Variants in ZBTB20 observed in about 807,000 individuals in gnomAD.
ZBTB20 encodes the protein zinc finger and BTB domain containing 20, also known as zinc finger and BTB domain-containing protein 20.
A neutral mutation model predicts 56.9 loss-of-function variants in ZBTB20; 9 were observed. The ratio of observed to expected loss-of-function variants is 0.16; its 90% CI spans 0.10 to 0.28. The LOEUF is 0.28. ZBTB20 is among the 10% of genes least tolerant of loss of function. ZBTB20 has a pLI of 1.00. For missense variants in ZBTB20, 655 were observed against 1,003.0 expected, an observed-to-expected ratio of 0.65 and a Z score of 4.69; for synonymous variants, 417 against 420.7, an observed-to-expected ratio of 0.99 and a Z score of 0.11.
At chr3:114,533,571 A>G (rs1036933773) in intron 6 of ZBTB20, among the ~76,000 whole-genome samples, 2 of 152,174 alleles carry the variant, frequency 1.3e-5, no homozygotes, top group Admixed American at 1.3e-4. Context: ...TCTTCAGGAT[A>G]TTATCCAGGA....
At chr3:114,399,622 C>T (rs1344466449) in intron 7 of ZBTB20, among the ~76,000 whole-genome samples, 1 of 152,070 alleles carries the variant, frequency 6.6e-6, no homozygotes, top group Non-Finnish European at 1.5e-5. Context: ...TCTTTCTGGG[C>T]AATTTACACA....
intron 1 of ZBTB20, among the ~76,000 whole-genome samples, chr3:115,103,809 C>T (rs907323150): frequency 9.9e-5 from 15 of 152,116 alleles, no homozygotes; most frequent in African/African-American, 3.4e-4. Flanking sequence ...TTAGATACAA[C>T]ACCAAAGACA....
At chr3:114,460,937 C>G (rs2092300838) in intron 7 of ZBTB20, among the ~76,000 whole-genome samples, 2 of 152,164 alleles carry the variant, frequency 1.3e-5, no homozygotes, top group Admixed American at 1.3e-4. Context: ...GTCTTTTCTC[C>G]TGACACTAAG....
chr3:114,468,070 T>A (rs1414829270), intron 7 of ZBTB20, among the ~76,000 whole-genome samples: 3 of 152,232 alleles, frequency 2.0e-5, no homozygotes, highest in East Asian at 3.8e-4. Context: ...AGATTTTTTT[T>A]AAAGTTTTGA....
intron 11 of ZBTB20, among the ~76,000 whole-genome samples, chr3:114,343,143 GAAA>G (rs532287052): frequency 1.8e-5 from 2 of 109,212 alleles, no homozygotes; most frequent in African/African-American, 3.4e-5. Context: ...ACTGAAAAGT[GAAA>G]AAAAAAAAAA....
At chr3:114,905,904 C>T (rs1415128725) in intron 3 of ZBTB20, among the ~76,000 whole-genome samples, 1 of 151,834 alleles carries the variant, frequency 6.6e-6, no homozygotes, top group African/African-American at 2.4e-5. Flanking sequence ...AAGAGTTCTG[C>T]AGTTCCTAAC....
At chr3:114,569,942 T>G (rs117226881) in intron 6 of ZBTB20, among the ~76,000 whole-genome samples, 1 of 152,146 alleles carries the variant, frequency 6.6e-6, no homozygotes, top group East Asian at 1.9e-4. Context: ...ATAGAAAAAA[T>G]AAGAGGAATT....
At chr3:115,142,660 A>C (rs1016355525) in intron 1 of ZBTB20, among the ~76,000 whole-genome samples, 19 of 96,930 alleles carry the variant, frequency 2.0e-4, no homozygotes, top group Non-Finnish European at 3.0e-4. Flanking sequence ...AGACTCCATC[A>C]AAAAAAAAAA....
At chr3:114,990,793 G>C (rs183688018) in intron 2 of ZBTB20, among the ~76,000 whole-genome samples, 1 of 152,132 alleles carries the variant, frequency 6.6e-6, no homozygotes, top group African/African-American at 2.4e-5. Flanking sequence ...GCGTGTTATT[G>C]GTCTATTCAC....
chr3:114,550,993 G>A (rs563175273), intron 6 of ZBTB20, among the ~76,000 whole-genome samples: 8 of 152,102 alleles, frequency 5.3e-5, no homozygotes, highest in Non-Finnish European at 4.4e-5. Flanking sequence ...ACAAAGGATC[G>A]GCCCAGCTCA....
chr3:114,490,466 C>T (rs1294774390), intron 7 of ZBTB20, among the ~76,000 whole-genome samples: 1 of 152,104 alleles, frequency 6.6e-6, no homozygotes, highest in East Asian at 1.9e-4. Context: ...CGTGATCTGC[C>T]TGCCTCGGCC....
At chr3:114,605,840 A>T (rs201928485) in intron 6 of ZBTB20, among the ~76,000 whole-genome samples, 2 of 152,182 alleles carry the variant, frequency 1.3e-5, no homozygotes, top group Non-Finnish European at 2.9e-5. Flanking sequence ...GAAAAAAAAA[A>T]GTACAGAGCA....
At chr3:114,786,120 G>C (rs1419625700) in intron 5 of ZBTB20, among the ~76,000 whole-genome samples, 1 of 151,968 alleles carries the variant, frequency 6.6e-6, no homozygotes, top group Non-Finnish European at 1.5e-5. Flanking sequence ...ATAGTAGTGA[G>C]AAACACCATT....
At chr3:114,630,993 A>C (rs879864899) in intron 6 of ZBTB20, among the ~76,000 whole-genome samples, 1 of 152,206 alleles carries the variant, frequency 6.6e-6, no homozygotes, top group East Asian at 1.9e-4. Context: ...ATACTGTCAG[A>C]ATTAAGAAAA....
intron 4 of ZBTB20, among the ~76,000 whole-genome samples, chr3:114,842,614 A>G (rs2074430801): frequency 6.6e-6 from 1 of 152,158 alleles, no homozygotes; most frequent in Non-Finnish European, 1.5e-5. Flanking sequence ...CCTAACCTAC[A>G]CTGAAGAGGT....
chr3:114,454,182 G>GAGAGAGAGAGAC (rs1244657798), intron 7 of ZBTB20, among the ~76,000 whole-genome samples: 2 of 46,734 alleles, frequency 4.3e-5, no homozygotes, highest in Non-Finnish European at 1.8e-4. Context: ...AAGGGAGAGA[G>GAGAGAGAGAGAC]AGAGAGAGAG....
intron 3 of ZBTB20, among the ~76,000 whole-genome samples, chr3:114,968,306 C>T: frequency 6.6e-6 from 1 of 152,180 alleles, no homozygotes; most frequent in Middle Eastern, 3.4e-3. Flanking sequence ...AAAGGTCAAA[C>T]CTTATAATTT....
At chr3:114,444,020 T>C (rs1229299115) in intron 7 of ZBTB20, among the ~76,000 whole-genome samples, 2 of 152,188 alleles carry the variant, frequency 1.3e-5, no homozygotes, top group African/African-American at 4.8e-5. Flanking sequence ...AGAATGTGTT[T>C]CTATTTGGGA....
intron 6 of ZBTB20, among the ~76,000 whole-genome samples, chr3:114,508,663 A>T (rs1242648056): frequency 6.6e-6 from 1 of 152,162 alleles, no homozygotes; most frequent in Non-Finnish European, 1.5e-5. Flanking sequence ...ACAAAAACAA[A>T]ATCTGCATTC....
Sources: gnomAD v4.1 joint callset for allele counts (sites outside exome capture counted in the v4.1 genomes callset) on GRCh38, gnomAD v4.1.1 for gene constraint, MANE v1.5 for transcripts, NCBI Gene and HGNC (gene_info 2026-07-23, HGNC 2026-07-21) for gene names.